Variants in IFI27 observed in about 807,000 individuals in gnomAD.
IFI27 encodes interferon alpha inducible protein 27, also known as interferon alpha-inducible protein 27, mitochondrial.
Under a neutral mutation model 8.9 loss-of-function variants are expected in IFI27, and 3 were observed. The ratio of observed to expected loss-of-function variants is 0.34; its 90% CI spans 0.15 to 0.87. IFI27 has a LOEUF of 0.87. Among genes scored for constraint, IFI27 ranks in the 40% least tolerant of loss-of-function variants. The pLI is 0.51. For synonymous variants in IFI27, 66 were observed against 67.3 expected (o/e 0.98, Z 0.09); for missense variants, 152 against 157.7 (o/e 0.96, Z 0.19).
chr14:94,116,361 G>GAGTCTC lies in IFI27; in HGVS notation c.284-80_284-75dup. 1 of 941,658 alleles carries GAGTCTC rather than the reference G, an allele frequency of 1.1e-6. No homozygotes were observed. Among genetic ancestry groups the GAGTCTC allele is most frequent in the Non-Finnish European group, 1.7e-6 (1 of 589,330 alleles). The allele number at this position is 941,658 out of a possible 1,614,324, so 58.3% of individuals were successfully genotyped here. A position where few individuals can be genotyped will look rare whatever the true frequency, so the allele number is the denominator to read the frequency against. On this transcript the variant is annotated intron_variant, in intron 4 of 4. Transcript: ENST00000621160. The surrounding 1 kb of genome is among the most constrained non-coding windows in gnomAD (Gnocchi z 4.3). ...CCTCAGCCCCTGCTGAGGGTCACTGGAGTCTCTGACCCCACAGTCCTGCCC... is the reference window on the plus strand; with the variant it reads ...CCTCAGCCCCTGCTGAGGGTCACTGGAGTCTCAGTCTCTGACCCCACAGTCCTGCCC...
At position 94,111,912 on chromosome 14, in the gene IFI27, C is replaced by T. The variant is rs1191801663; in HGVS notation, c.91+139C>T. ...CCCTGTCCTGTCTTCTCACAGCAGGCGTCCACCCTAACTTTCCATCTGGGA... is the reference window on the plus strand; with the variant it reads ...CCCTGTCCTGTCTTCTCACAGCAGGTGTCCACCCTAACTTTCCATCTGGGA... On this transcript the variant is annotated intron_variant, in intron 2 of 4. Coordinates refer to ENST00000621160, the Ensembl canonical transcript of IFI27. The surrounding 1 kb of genome is among the most constrained non-coding windows in gnomAD (Gnocchi z 4.3). 11 of 725,418 alleles carry T rather than the reference C, an allele frequency of 1.5e-5. No individual in the cohort carries two copies. Among genetic ancestry groups the T allele is most frequent in the East Asian group, 1.1e-4 (4 of 37,558 alleles). The allele number at this position is 725,418 out of a possible 1,614,324, so 44.9% of individuals were successfully genotyped here. A position where few individuals can be genotyped will look rare whatever the true frequency, so the allele number is the denominator to read the frequency against.
chr14:94,111,950 C>T lies in IFI27; in HGVS notation c.91+177C>T, dbSNP rs1887209226. 9.3e-6 allele frequency: 6 copies of T among 647,302 alleles called. No homozygotes were observed. The South Asian group carries it at 1.1e-4, about 11-fold the overall frequency. The allele number at this position is 647,302 out of a possible 1,614,324, so 40.1% of individuals were successfully genotyped here. A position where few individuals can be genotyped will look rare whatever the true frequency, so the allele number is the denominator to read the frequency against. On this transcript the variant is annotated intron_variant, in intron 2 of 4. Coordinates refer to ENST00000621160, the Ensembl canonical transcript of IFI27. This position sits in a 1 kb window ranked among gnomAD's most constrained non-coding sequence, Gnocchi z 4.3. The stretch of plus-strand genomic sequence containing the variant: ...TTTCCATCTGGGAGGGGGCCCGGGG[C>T]AGGCAGACTCTGGCCAGATGCCCAG...
At chr14:94,114,880 G>A (rs767168439) in exon 3 of IFI27, 1 of 1,614,200 alleles carries the variant, frequency 6.2e-7, no homozygotes, top group Non-Finnish European at 8.5e-7. Flanking sequence ...GATTGGAGGA[G>A]GTGAGTCTGT....
In IFI27 at chr14:94,116,132, T is replaced by C; in HGVS notation, c.283+190T>C. 1.3e-6 allele frequency: 1 copy of C among 768,436 alleles called. No individual in the cohort carries two copies. Among genetic ancestry groups the C allele is most frequent in the Non-Finnish European group, 2.2e-6 (1 of 446,298 alleles). The allele number at this position is 768,436 out of a possible 1,614,324, so 47.6% of individuals were successfully genotyped here. ...GGAGCCCAAGCCAGGAACAGTGCAC[T>C]CAGGAAGACTCAGCCCGAAGCAGAT... On this transcript the variant is annotated intron_variant, in intron 4 of 4. Coordinates refer to ENST00000621160, the Ensembl canonical transcript of IFI27. This position sits in a 1 kb window ranked among gnomAD's most constrained non-coding sequence, Gnocchi z 4.3.
Position 94,111,261 on chromosome 14 carries a change from T to C in IFI27, c.-58-364T>C, listed in dbSNP as rs74077217. 0.014 allele frequency among the ~76,000 whole-genome samples: 2,127 copies of C among 152,288 alleles called. 49 individuals carry two copies. The highest frequency in any genetic ancestry group is 0.048 in the African/African-American group (2,002 of 41,554). On this transcript the variant is annotated intron_variant, in intron 1 of 4. Transcript: ENST00000621160. The surrounding 1 kb of genome is among the most constrained non-coding windows in gnomAD (Gnocchi z 4.3). ...ATAAGAGCAGGCACCTCGCCTGCTG[T>C]ATATGCCTTAAAAATGCGATTGGTT...
intron 3 of IFI27, chr14:94,115,445 A>G (rs1053645589): frequency 2.6e-5 from 15 of 585,702 alleles, no homozygotes; most frequent in Non-Finnish European, 4.4e-5. Flanking sequence ...GCTCCCCAGC[A>G]AAGATAAGAA....
chr14:94,116,347 G>T lies in IFI27; in HGVS notation c.284-95G>T. ...GTGGGGTCTGTAAGCCTCAGCCCCT[G>T]CTGAGGGTCACTGGAGTCTCTGACC... On this transcript the variant is annotated intron_variant, in intron 4 of 4. Coordinates refer to ENST00000621160, the Ensembl canonical transcript of IFI27. This position sits in a 1 kb window ranked among gnomAD's most constrained non-coding sequence, Gnocchi z 4.3. 1 of 848,396 alleles carries T rather than the reference G, an allele frequency of 1.2e-6. No homozygotes were observed. Among genetic ancestry groups the T allele is most frequent in the Non-Finnish European group, 2.0e-6 (1 of 509,374 alleles). 52.6% of individuals were successfully genotyped at this position (848,396 alleles called of 1,614,324 possible).
upstream of IFI27, among the ~76,000 whole-genome samples, chr14:94,109,806 C>T (rs935502862): frequency 1.3e-5 from 2 of 152,236 alleles, no homozygotes; most frequent in Non-Finnish European, 2.9e-5. Flanking sequence ...ACAACTCGCA[C>T]ACTACTCATG....
At chr14:94,112,074 C>A in intron 2 of IFI27, 1 of 494,502 alleles carries the variant, frequency 2.0e-6, no homozygotes, top group East Asian at 3.5e-5. Flanking sequence ...CTCTTCAGCT[C>A]TCCCTTCCCC....
chr14:94,106,868 T>G (rs1595402440), upstream of IFI27, among the ~76,000 whole-genome samples: 3 of 151,648 alleles, frequency 2.0e-5, no homozygotes, highest in African/African-American at 7.3e-5. Flanking sequence ...ACTAATAGAG[T>G]GAGAGCTAAC....
rs752664515 is a variant in IFI27 at position 94,116,344 on chromosome 14, C to A, written c.284-98C>A. The A allele has an allele frequency of 3.5e-5, 29 of 824,108 alleles. No homozygotes were observed. The highest frequency in any genetic ancestry group is 4.9e-5 in the Non-Finnish European group (24 of 488,684). The allele number at this position is 824,108 out of a possible 1,614,324, so 51.0% of individuals were successfully genotyped here. ...TGGGTGGGGTCTGTAAGCCTCAGCC[C>A]CTGCTGAGGGTCACTGGAGTCTCTG... On this transcript the variant is annotated intron_variant, in intron 4 of 4. Coordinates refer to ENST00000621160, the Ensembl canonical transcript of IFI27. This position sits in a 1 kb window ranked among gnomAD's most constrained non-coding sequence, Gnocchi z 4.3.
chr14:94,116,294 G>A lies in IFI27; in HGVS notation c.284-148G>A. 1 of 662,818 alleles carries A rather than the reference G, an allele frequency of 1.5e-6. No homozygotes were observed. 41.1% of individuals were successfully genotyped at this position (662,818 alleles called of 1,614,324 possible). ...CCTCTCCCCAAACAAAGACCCCGAG[G>A]GTACTGGGAAACAGAGAGGGGAACT... is the stretch of plus-strand genomic sequence containing the variant. On this transcript the variant is annotated intron_variant, in intron 4 of 4. Transcript: ENST00000621160. The surrounding 1 kb of genome is among the most constrained non-coding windows in gnomAD (Gnocchi z 4.3).
At position 94,116,005 on chromosome 14, in the gene IFI27, CA is replaced by C; in HGVS notation, c.283+64del. On this transcript the variant is annotated intron_variant, in intron 4 of 4. Coordinates refer to ENST00000621160, the Ensembl canonical transcript of IFI27. This position sits in a 1 kb window ranked among gnomAD's most constrained non-coding sequence, Gnocchi z 4.3. ...AGGAGGGCAAGAGCCTCCAAGGACC[CA>C]GTCCCAATCTCAACCCTATGAACCT... 1 of 1,438,638 alleles carries C rather than the reference CA, an allele frequency of 7.0e-7. No individual in the cohort carries two copies. Among genetic ancestry groups the C allele is most frequent in the Non-Finnish European group, 9.5e-7 (1 of 1,048,978 alleles). The allele number at this position is 1,438,638 out of a possible 1,614,324, so 89.1% of individuals were successfully genotyped here.
At chr14:94,106,481 T>G (rs1374668583), upstream of IFI27, among the ~76,000 whole-genome samples, 1 of 152,246 alleles carries the variant, frequency 6.6e-6, no homozygotes, top group African/African-American at 2.4e-5. Flanking sequence ...CTTTTTATTT[T>G]CGGTTTTTTT....
rs921569247 is a variant in IFI27, at chr14:94,111,323, G to A, written c.-58-302G>A. Among the ~76,000 whole-genome samples the A allele has an allele frequency of 3.3e-5, 5 of 152,158 alleles. No homozygotes were observed. Among genetic ancestry groups the A allele is most frequent in the African/African-American group, 9.7e-5 (4 of 41,424 alleles). ...GTTTTGGTGCTTTTTCAATTGCTCCGTGGAGAGATAAGGGAGTCCCGGAAG... is the reference window on the plus strand; with the variant it reads ...GTTTTGGTGCTTTTTCAATTGCTCCATGGAGAGATAAGGGAGTCCCGGAAG... On this transcript the variant is annotated intron_variant, in intron 1 of 4. Coordinates refer to ENST00000621160, the Ensembl canonical transcript of IFI27. The surrounding 1 kb of genome is among the most constrained non-coding windows in gnomAD (Gnocchi z 4.3).
chr14:94,106,319 C>A (rs147760248), upstream of IFI27, among the ~76,000 whole-genome samples: 1 of 152,338 alleles, frequency 6.6e-6, no homozygotes, highest in Non-Finnish European at 1.5e-5. Context: ...GCTTTCAATT[C>A]TTTGGGATAT....
In IFI27 at chr14:94,115,767, C is replaced by T. The variant is rs751969038; in HGVS notation, c.122-14C>T. The T allele has an allele frequency of 5.6e-6, 9 of 1,599,368 alleles. No individual in the cohort carries two copies. In the South Asian group the frequency reaches 9.0e-5, roughly 16 times the overall value. ...TCTGAGCCCACGCACCGACCCAGCT[C>T]CTCTTCCCTGCAGTTGTGGCCATGG... On this transcript the variant is annotated splice_polypyrimidine_tract_variant and intron_variant, in intron 3 of 4. Transcript: ENST00000621160.
At chr14:94,107,433 A>T (rs1887031161), upstream of IFI27, among the ~76,000 whole-genome samples, 1 of 151,944 alleles carries the variant, frequency 6.6e-6, no homozygotes, top group Non-Finnish European at 1.5e-5. Context: ...TTTTTGGTAT[A>T]CTCTGAATGT....
At chr14:94,115,253 A>C (rs1017631703) in intron 3 of IFI27, 1 of 571,984 alleles carries the variant, frequency 1.7e-6, no homozygotes, top group African/African-American at 1.8e-5. Flanking sequence ...GCATAGGGTG[A>C]AACAATAGAG....
Sources: allele counts gnomAD v4.1 joint callset (sites outside exome capture counted in the v4.1 genomes callset), GRCh38; gene constraint gnomAD v4.1.1; non-coding constraint Gnocchi (gnomAD v3.1); transcripts MANE v1.5; gene names NCBI Gene and HGNC (gene_info 2026-07-23, HGNC 2026-07-21).